Variants in ZC2HC1C observed in about 807,000 individuals in gnomAD.
ZC2HC1C encodes zinc finger C2HC domain-containing protein 1C.
A neutral mutation model predicts 39.2 loss-of-function variants in ZC2HC1C; 25 were observed. The ratio of observed to expected loss-of-function variants is 0.64; its 90% CI spans 0.47 to 0.89. The LOEUF is 0.89. ZC2HC1C is among the 40% of genes least tolerant of loss of function. The probability of loss-of-function intolerance (pLI) is 0.00; values close to 1 mark genes in which losing one functional copy is unlikely to be tolerated. For synonymous variants in ZC2HC1C, 209 were observed against 214.4 expected (o/e 0.97, Z 0.22); for missense variants, 519 against 548.6 (o/e 0.95, Z 0.54).
At position 75,071,233 on chromosome 14, in the gene ZC2HC1C, G is replaced by A; in HGVS notation, c.660G>A (p.Gly220=). 6.2e-7 allele frequency: 1 copy of A among 1,614,154 alleles called. No individual in the cohort carries two copies. The change falls in exon 2 of 3, where the codon GGG becomes GGA. Residue 220 remains glycine, a synonymous_variant. Transcript: ENST00000524913. ...AGATCCGAAGACTAGAAGCTGCAGG[G>A]GAGAGCTTAGAGGAGGAAATCCGAA... ...WVQIRRLEAA[G]ESLEEEIRRK...
At chr14:75,076,618 G>C (rs895429829) in intron 2 of ZC2HC1C, among the ~76,000 whole-genome samples, 1 of 152,082 alleles carries the variant, frequency 6.6e-6, no homozygotes, top group Non-Finnish European at 1.5e-5. Flanking sequence ...ATTTACAATA[G>C]TTCTTTCTGG....
rs1893748432 is a variant in ZC2HC1C, at chr14:75,077,748, A to G, written c.*184A>G. The G allele has an allele frequency of 1.6e-6, 1 of 635,328 alleles. No homozygotes were observed. Among genetic ancestry groups the G allele is most frequent in the Non-Finnish European group, 2.8e-6 (1 of 362,544 alleles). The allele number at this position is 635,328 out of a possible 1,614,324, so 39.4% of individuals were successfully genotyped here. A position where few individuals can be genotyped will look rare whatever the true frequency, so the allele number is the denominator to read the frequency against. ...GGCTGAGCAACACATTCCCAAGTGT[A>G]AGACCATCAAGAACTGTCTTCCACC... On this transcript the variant is annotated 3_prime_UTR_variant, in exon 3 of 3. Coordinates refer to ENST00000524913, the MANE Select transcript of ZC2HC1C (RefSeq NM_024643.4).
At chr14:75,072,678 CATAA>C (rs1187050667) in intron 2 of ZC2HC1C, among the ~76,000 whole-genome samples, 1 of 152,102 alleles carries the variant, frequency 6.6e-6, no homozygotes, top group Non-Finnish European at 1.5e-5. Context: ...AAGATTGTCT[CATAA>C]ATGAATGACA....
rs750135264 is a variant in ZC2HC1C at position 75,071,322 on chromosome 14, C to G, written c.749C>G (p.Thr250Arg). The G allele has an allele frequency of 1.2e-6, 2 of 1,613,878 alleles. No individual in the cohort carries two copies. Among genetic ancestry groups the G allele is most frequent in the Admixed American group, 3.3e-5 (2 of 59,990 alleles). Reference sequence around the variant, plus strand: ...GAGGAGGAACTCAGAAGGATCCAGACGCAAAAGGAACAGGCCAAGGAAAAT... The same window carrying G: ...GAGGAGGAACTCAGAAGGATCCAGAGGCAAAAGGAACAGGCCAAGGAAAAT... ...KTEEELRRIQTQKEQAKENEN... is the reference protein window; with the variant it reads ...KTEEELRRIQRQKEQAKENEN... The change falls in exon 2 of 3, where the codon ACG becomes AGG. Residue 250 changes from threonine to arginine, a missense_variant. By Grantham distance (71) the Thr-to-Arg change is moderately conservative. Transcript: ENST00000524913.
intron 2 of ZC2HC1C, among the ~76,000 whole-genome samples, chr14:75,076,426 G>A (rs1450453020): frequency 6.6e-6 from 1 of 152,004 alleles, no homozygotes; most frequent in African/African-American, 2.4e-5. Flanking sequence ...GTGCCACCAC[G>A]CCCAGCTAAT....
rs1893751472 is a variant in ZC2HC1C at position 75,077,823 on chromosome 14, G to C, written c.*259G>C. The C allele has an allele frequency of 2.1e-6, 1 of 468,876 alleles. No homozygotes were observed. The highest frequency in any genetic ancestry group is 3.6e-5 in the Admixed American group (1 of 27,492). 29.0% of individuals were successfully genotyped at this position (468,876 alleles called of 1,614,324 possible). On this transcript the variant is annotated 3_prime_UTR_variant, in exon 3 of 3. Transcript: ENST00000524913. ...AGACAACAATGGAAACTTTTGGATA[G>C]TTCAGAAAGCTCTGCTTCTCTTCAG...
chr14:75,076,168 T>C (rs1284688714), intron 2 of ZC2HC1C, among the ~76,000 whole-genome samples: 1 of 152,238 alleles, frequency 6.6e-6, no homozygotes, highest in Non-Finnish European at 1.5e-5. Context: ...CTTCCAGGAT[T>C]AACTTTCTAA....
rs1893446044 is a variant in ZC2HC1C at position 75,071,909 on chromosome 14, A to G, written c.1336A>G (p.Lys446Glu). ...YLNWKGPASAKAEPPQKSNWR is the reference protein window; with the variant it reads ...YLNWKGPASAEAEPPQKSNWR ...GAACTGGAAGGGGCCAGCTTCAGCC[A>G]AGGTAACAAGAGCCTTATGGATGTG... The change falls in exon 2 of 3, where the codon AAG becomes GAG. Residue 446 changes from lysine (K) to glutamate (E), a missense_variant and splice_region_variant. Coordinates refer to ENST00000524913, the MANE Select transcript of ZC2HC1C (RefSeq NM_024643.4). 6.3e-7 allele frequency: 1 copy of G among 1,583,300 alleles called. No individual in the cohort carries two copies. Among genetic ancestry groups the G allele is most frequent in the Admixed American group, 1.8e-5 (1 of 54,934 alleles).
At chr14:75,072,371 A>G (rs752211873) in intron 2 of ZC2HC1C, among the ~76,000 whole-genome samples, 9 of 152,232 alleles carry the variant, frequency 5.9e-5, no homozygotes, top group Non-Finnish European at 1.3e-4. Context: ...GCCACTTCCC[A>G]AGACTAGGAT....
chr14:75,073,036 G>A (rs1026020634), intron 2 of ZC2HC1C, among the ~76,000 whole-genome samples: 11 of 152,086 alleles, frequency 7.2e-5, no homozygotes, highest in East Asian at 1.9e-4. Flanking sequence ...CCCTCCCTCC[G>A]CTGTGCTGGC....
In ZC2HC1C at chr14:75,070,895, T is replaced by C; in HGVS notation, c.322T>C (p.Phe108Leu). Residue 108 changes from phenylalanine (F) to leucine (L), a missense_variant, in exon 2 of 3, where the codon TTT becomes CTT. By Grantham distance (22) the Phe-to-Leu change is conservative (BLOSUM62 0). Transcript: ENST00000524913. Reference sequence around the variant, plus strand: ...TTCCCAGGGCCAAGGAAATGGTTTGTTTTACTCGTCAGGCCCTCAATCCTG... The same window carrying C: ...TTCCCAGGGCCAAGGAAATGGTTTGCTTTACTCGTCAGGCCCTCAATCCTG... ...SDSQGQGNGL[F>L]YSSGPQSWYP... is the part of the protein sequence containing the mutation. 2 of 1,614,178 alleles carry C rather than the reference T, an allele frequency of 1.2e-6. No homozygotes were observed.
rs751376779 is a variant in ZC2HC1C, at chr14:75,071,553, A to G, written c.980A>G (p.Lys327Arg). The part of the protein sequence containing the change: ...QFSDYRIQRL[K>R]RERLVASNNK... ...TCTGATTATAGAATCCAGAGGCTCAAAAGGGAAAGGCTGGTAGCAAGCAAT... is the reference window on the plus strand; with the variant it reads ...TCTGATTATAGAATCCAGAGGCTCAGAAGGGAAAGGCTGGTAGCAAGCAAT... The change falls in exon 2 of 3, where the codon AAA becomes AGA. Residue 327 changes from lysine to arginine, a missense_variant. By Grantham distance (26) the Lys-to-Arg change is conservative. Transcript: ENST00000524913. 3 of 1,614,120 alleles carry G rather than the reference A, an allele frequency of 1.9e-6. No homozygotes were observed. The highest frequency in any genetic ancestry group is 2.5e-6 in the Non-Finnish European group (3 of 1,180,032).
chr14:75,077,511 A>C (rs752236036), intron 2 of ZC2HC1C, 21 bp from the exon 3 acceptor site: 1 of 1,614,164 alleles, frequency 6.2e-7, no homozygotes, highest in South Asian at 1.1e-5. Flanking sequence ...TTGAATGATC[A>C]GTCTCCCTTT....
chr14:75,071,189 G>C lies in ZC2HC1C; in HGVS notation c.616G>C (p.Asp206His). The change falls in exon 2 of 3, where the codon GAC becomes CAC. Residue 206 changes from aspartate to histidine, a missense_variant. By Grantham distance (81) the Asp-to-His change is moderately conservative. Transcript: ENST00000524913. ...TQAEKAVANF[D>H]RTEWVQIRRL... ...GGCGGAGAAGGCCGTGGCAAACTTTGACAGGACGGAGTGGGTGCAGATCCG... is the reference window on the plus strand; with the variant it reads ...GGCGGAGAAGGCCGTGGCAAACTTTCACAGGACGGAGTGGGTGCAGATCCG... 1.2e-6 allele frequency: 2 copies of C among 1,614,212 alleles called. No individual in the cohort carries two copies. The highest frequency in any genetic ancestry group is 1.7e-6 in the Non-Finnish European group (2 of 1,180,054).
intron 2 of ZC2HC1C, chr14:75,073,746 G>A (rs1344780882): frequency 2.8e-5 from 17 of 597,668 alleles, no homozygotes; most frequent in Non-Finnish European, 4.5e-5. Flanking sequence ...TTTGTGCTTT[G>A]TGCTTAATAA....
In ZC2HC1C at chr14:75,077,634, A is replaced by C; in HGVS notation, c.*70A>C. Reference sequence around the variant, plus strand: ...CCAGCAGGTAACTGCCAAAGGTGGAAACTGTTCACACTTGCCTCCCATCCT... The same window carrying C: ...CCAGCAGGTAACTGCCAAAGGTGGACACTGTTCACACTTGCCTCCCATCCT... On this transcript the variant is annotated 3_prime_UTR_variant, in exon 3 of 3. Transcript: ENST00000524913. The C allele has an allele frequency of 5.7e-6, 9 of 1,591,892 alleles. No homozygotes were observed. Among genetic ancestry groups the C allele is most frequent in the Non-Finnish European group, 7.7e-6 (9 of 1,161,764 alleles).
chr14:75,073,054 G>T (rs982455219), intron 2 of ZC2HC1C, among the ~76,000 whole-genome samples: 6 of 152,130 alleles, frequency 3.9e-5, no homozygotes, highest in Non-Finnish European at 7.4e-5. Flanking sequence ...GGCACCTCTT[G>T]TCCATTGGCA....
rs1566633336 is a variant in ZC2HC1C, at chr14:75,079,902, T to C, written c.*2338T>C. Reference sequence around the variant, plus strand: ...ATCCGGGCCCTCCAGAGAGAACAAATTGTTGTTATATGTGGGGAGTGCTTT... The same window carrying C: ...ATCCGGGCCCTCCAGAGAGAACAAACTGTTGTTATATGTGGGGAGTGCTTT... On this transcript the variant is annotated 3_prime_UTR_variant, in exon 3 of 3. Transcript: ENST00000524913. The C allele has an allele frequency of 6.6e-6, 1 of 152,192 alleles. No homozygotes were observed. The highest frequency in any genetic ancestry group is 1.9e-4 in the East Asian group (1 of 5,200). The allele number at this position is 152,192 out of a possible 1,614,324, so 9.4% of individuals were successfully genotyped here.
chr14:75,077,412 TCC>T (rs1893726583), intron 2 of ZC2HC1C, 118 bp from the exon 3 acceptor site: 1 of 1,347,216 alleles, frequency 7.4e-7, no homozygotes, highest in African/African-American at 1.4e-5. Context: ...GTTGCTCCTT[TCC>T]TGTTCTCTTT....
Sources: allele counts gnomAD v4.1 joint callset (sites outside exome capture counted in the v4.1 genomes callset), GRCh38; gene constraint gnomAD v4.1.1; transcripts MANE v1.5; gene names NCBI Gene and HGNC (gene_info 2026-07-23, HGNC 2026-07-21).